CYP3A5: variants seen among roughly 807,000 people sequenced by gnomAD.
CYP3A5 encodes the protein cytochrome P450 3A5.
Under a neutral mutation model 55.9 loss-of-function variants are expected in CYP3A5, and 51 were observed. The observed-to-expected ratio is 0.91, with a 90% confidence interval of 0.73 to 1.15. The LOEUF is 1.15. Ranked by LOEUF, CYP3A5 falls within the 50% of genes most tolerant of loss-of-function variation. CYP3A5 has a pLI of 0.00. For synonymous variants in CYP3A5, 196 were observed against 213.9 expected (o/e 0.92, Z 0.73); for missense variants, 533 against 596.6 (o/e 0.89, Z 1.11).
chr7:99,663,419 C>T (rs1810640665), intron 8 of CYP3A5: 4 of 990,562 alleles, frequency 4.0e-6, no homozygotes, highest in Non-Finnish European at 4.8e-6. Flanking sequence ...CGGCTGGCCT[C>T]TAGGGCTCGT....
chr7:99,665,877 T>C (rs1810961752), intron 6 of CYP3A5, among the ~76,000 whole-genome samples: 1 of 152,210 alleles, frequency 6.6e-6, no homozygotes, highest in Non-Finnish European at 1.5e-5. Context: ...GAAGTTGCGC[T>C]GAGAGCAGAG....
intron 4 of CYP3A5, among the ~76,000 whole-genome samples, chr7:99,667,604 T>C (rs549388504): frequency 1.1e-4 from 17 of 152,366 alleles, no homozygotes; most frequent in Admixed American, 2.6e-4. Context: ...TCTTTTCTCT[T>C]AATTTTTTAT....
chr7:99,653,776 A>T lies in CYP3A5; in HGVS notation c.1027-997T>A, dbSNP rs1809416291. Among the ~76,000 whole-genome samples the T allele has an allele frequency of 6.6e-6, 1 of 152,216 alleles. No individual in the cohort carries two copies. Among genetic ancestry groups the T allele is most frequent in the African/African-American group, 2.4e-5 (1 of 41,458 alleles). Reference sequence around the variant, plus strand: ...TAAAAAGAATCCCAGTTTGGGCAGAAGTCTGAAAACTGTGGATGATATGTA... The same window carrying T: ...TAAAAAGAATCCCAGTTTGGGCAGATGTCTGAAAACTGTGGATGATATGTA... On this transcript the variant is annotated intron_variant, in intron 10 of 12. Transcript: ENST00000222982. This position sits in a 1 kb window ranked among gnomAD's most constrained non-coding sequence, Gnocchi z 4.2.
Position 99,679,977 on chromosome 7 carries a change from G to T in CYP3A5, c.-81C>A. 1 of 1,244,346 alleles carries T rather than the reference G, an allele frequency of 8.0e-7. No individual in the cohort carries two copies. The highest frequency in any genetic ancestry group is 1.2e-6 in the Non-Finnish European group (1 of 844,096). The allele number at this position is 1,244,346 out of a possible 1,614,324, so 77.1% of individuals were successfully genotyped here. On this transcript the variant is annotated 5_prime_UTR_variant, in exon 1 of 13. Transcript: ENST00000222982. ...CTGTTTGCTGGGCTGTTTGCCTGGA[G>T]CTTCCCTGCCCTGCACAGCAGTCTT...
At chr7:99,655,292 T>C (rs1482087922) in intron 10 of CYP3A5, among the ~76,000 whole-genome samples, 27 of 152,196 alleles carry the variant, frequency 1.8e-4, no homozygotes, top group East Asian at 7.7e-4. Flanking sequence ...CAGCTTTCTA[T>C]ATATGGCTAG....
chr7:99,648,481 G>T, intron 12 of CYP3A5, 81 bp from the exon 13 acceptor site: 28 of 806,294 alleles, frequency 3.5e-5, no homozygotes, highest in Middle Eastern at 3.6e-4. Context: ...GAAAAAATAT[G>T]ACAAAAATGC....
Position 99,650,252 on chromosome 7 carries a change from T to C in CYP3A5, c.1254-20A>G. The C allele has an allele frequency of 1.2e-6, 2 of 1,607,736 alleles. No individual in the cohort carries two copies. Among genetic ancestry groups the C allele is most frequent in the Non-Finnish European group, 1.7e-6 (2 of 1,175,904 alleles). ...CTGAACCTAGTTCCATATTGGTAGA[T>C]TAAATAGTTAATGAAACATAAAAAC... On this transcript the variant is annotated intron_variant, in intron 11 of 12. Coordinates refer to ENST00000222982, the MANE Select transcript of CYP3A5 (RefSeq NM_000777.5).
chr7:99,666,278 C>G (rs1811008819), intron 6 of CYP3A5, among the ~76,000 whole-genome samples: 1 of 152,178 alleles, frequency 6.6e-6, no homozygotes, highest in Non-Finnish European at 1.5e-5. Flanking sequence ...ACCCACAGTT[C>G]CATATCCACT....
chr7:99,668,132 G>C (rs80148964), intron 4 of CYP3A5, among the ~76,000 whole-genome samples: 2,573 of 152,260 alleles, frequency 0.017, 48 homozygotes, highest in Non-Finnish European at 0.025. Flanking sequence ...ACATTTCTAT[G>C]TAACAATAAT....
chr7:99,652,057 A>C (rs985739899), intron 11 of CYP3A5, among the ~76,000 whole-genome samples: 13 of 152,142 alleles, frequency 8.5e-5, no homozygotes, highest in Admixed American at 8.5e-4. Context: ...TTTCTGTTAA[A>C]TTCAGAGAGC....
In CYP3A5 at chr7:99,650,339, A is replaced by G. The variant is rs1378199341; in HGVS notation, c.1254-107T>C. On this transcript the variant is annotated intron_variant, in intron 11 of 12. Coordinates refer to ENST00000222982, the MANE Select transcript of CYP3A5 (RefSeq NM_000777.5). ...AACCCCCCTCCACCTCCCAACCAGT[A>G]GTACACAGGATACTTTTGTGGGCTG... 6.1e-6 allele frequency: 6 copies of G among 984,156 alleles called. No homozygotes were observed. In the Admixed American group the frequency reaches 1.3e-4, roughly 22 times the overall value. 61.0% of individuals were successfully genotyped at this position (984,156 alleles called of 1,614,324 possible).
At position 99,666,615 on chromosome 7, in the gene CYP3A5, A is replaced by T. The variant is rs374049621; in HGVS notation, c.507T>A (p.Pro169=). 1.9e-5 allele frequency: 31 copies of T among 1,613,720 alleles called. No individual in the cohort carries two copies. Among genetic ancestry groups the T allele is most frequent in the South Asian group, 4.4e-5 (4 of 91,078 alleles). The change falls in exon 6 of 13, where the codon CCT becomes CCA. Residue 169 remains proline (P), a synonymous_variant. Coordinates refer to ENST00000222982, the MANE Select transcript of CYP3A5 (RefSeq NM_000777.5). ...CTCCTACTTACTCTTTCAAGGTGAC[A>T]GGCTTGCCTTTCTCTGCTTCCCGCC... The part of the protein sequence containing the change: ...NLRREAEKGK[P]VTLKDIFGAY...
chr7:99,666,958 G>C lies in CYP3A5; in HGVS notation c.426C>G (p.Leu142=), dbSNP rs756244872. ...LLSPTFTSGK[L]KEMFPIIAQY... ...ACTCATCTTATTTTCATACCTCCTT[G>C]AGTTTTCCGCTGGTGAAGGTTGGAG... is the stretch of plus-strand genomic sequence containing the variant. Residue 142 remains leucine, a synonymous_variant, in exon 5 of 13, where the codon CTC becomes CTG. Transcript: ENST00000222982. The C allele has an allele frequency of 3.7e-6, 6 of 1,613,632 alleles. No homozygotes were observed. Among genetic ancestry groups the C allele is most frequent in the Non-Finnish European group, 5.1e-6 (6 of 1,179,726 alleles).
intron 7 of CYP3A5, among the ~76,000 whole-genome samples, chr7:99,664,460 T>C (rs757436863): frequency 1.1e-4 from 17 of 152,186 alleles, no homozygotes; most frequent in African/African-American, 1.4e-4. Flanking sequence ...ATAGTCAAGA[T>C]AGAATTAACA....
chr7:99,677,290 T>G (rs952072948), intron 1 of CYP3A5: 3 of 978,114 alleles, frequency 3.1e-6, no homozygotes, highest in Non-Finnish European at 3.6e-6. Context: ...CTGATTCAGC[T>G]GTGAAGCTGC....
chr7:99,675,757 G>A (rs528008814), intron 2 of CYP3A5, among the ~76,000 whole-genome samples: 3 of 137,498 alleles, frequency 2.2e-5, no homozygotes, highest in African/African-American at 5.6e-5. Context: ...GCAGTGGTGC[G>A]ATCACAGCTC....
rs1810905783 is a variant in CYP3A5, at chr7:99,665,428, T to G, written c.522-114A>C. On this transcript the variant is annotated intron_variant, in intron 6 of 12. Coordinates refer to ENST00000222982, the MANE Select transcript of CYP3A5 (RefSeq NM_000777.5). ...AAGACACATAAAGAGCCACAGACTTTCAGAACTATCTGCTGAATCATCTTC... is the reference window on the plus strand; with the variant it reads ...AAGACACATAAAGAGCCACAGACTTGCAGAACTATCTGCTGAATCATCTTC... 7.8e-6 allele frequency: 11 copies of G among 1,401,278 alleles called. 1 individual carries two copies. In the South Asian group the frequency reaches 1.2e-4, roughly 15 times the overall value. 86.8% of individuals were successfully genotyped at this position (1,401,278 alleles called of 1,614,324 possible).
Position 99,650,103 on chromosome 7 carries a change from G to C in CYP3A5, c.1383C>G (p.Asn461Lys). ...MKLALIRVLQ[N>K]FSFKPCKETQ... The stretch of plus-strand genomic sequence containing the variant: ...TTTCTTTACAAGGTTTGAAGGAGAA[G>C]TTCTGAAGGACTCTGATTAGAGCAA... The change falls in exon 12 of 13, where the codon AAC (asparagine) becomes AAG (lysine). Residue 461 changes from asparagine (N) to lysine (K), a missense_variant. Asn to Lys is a moderately conservative substitution (Grantham distance 94). Coordinates refer to ENST00000222982, the MANE Select transcript of CYP3A5 (RefSeq NM_000777.5). 1 of 1,614,114 alleles carries C rather than the reference G, an allele frequency of 6.2e-7. No individual in the cohort carries two copies.
At chr7:99,674,204 A>G (rs903834826) in intron 3 of CYP3A5, 1 of 207,282 alleles carries the variant, frequency 4.8e-6, no homozygotes. Flanking sequence ...TGCCTGTCCA[A>G]CCTTGGTGTG....
Sources: allele counts gnomAD v4.1 joint callset (sites outside exome capture counted in the v4.1 genomes callset), GRCh38; gene constraint gnomAD v4.1.1; non-coding constraint Gnocchi (gnomAD v3.1); transcripts MANE v1.5; gene names NCBI Gene and HGNC (gene_info 2026-07-23, HGNC 2026-07-21).